The following LMO7 variants were observed in gnomAD, a reference collection of about 807,000 sequenced individuals.
LMO7 encodes LIM domain only protein 7.
A neutral mutation model predicts 206.5 loss-of-function variants in LMO7; 120 were observed. That is an observed-to-expected ratio of 0.58 (90% CI 0.50 to 0.68). The LOEUF (loss-of-function observed/expected upper bound fraction) is 0.68, where lower values mean the gene tolerates loss of function less well. Ranked by LOEUF, LMO7 falls within the 30% of genes least tolerant of loss-of-function variation. The probability of loss-of-function intolerance (pLI) is 0.00; values close to 1 mark genes in which losing one functional copy is unlikely to be tolerated. For synonymous variants in LMO7, 706 were observed against 681.5 expected, an observed-to-expected ratio of 1.04 and a Z score of -0.56; for missense variants, 1,959 against 1,957.9, an observed-to-expected ratio of 1.00 and a Z score of -0.01.
intron 1 of LMO7, among the ~76,000 whole-genome samples, chr13:75,708,349 G>C (rs973912311): frequency 6.6e-6 from 1 of 152,162 alleles, no homozygotes; most frequent in Admixed American, 6.5e-5. Flanking sequence ...CTGCCCTCTT[G>C]ATTGGCCCTT....
chr13:75,767,704 T>G (rs1156755100), intron 4 of LMO7, among the ~76,000 whole-genome samples: 5 of 152,096 alleles, frequency 3.3e-5, no homozygotes, highest in African/African-American at 9.7e-5. Context: ...AGGCTGAGTT[T>G]GTCACTTTCC....
In LMO7 at chr13:75,848,879, C is replaced by T. The variant is rs548626200; in HGVS notation, c.4151-200C>T. The T allele has an allele frequency of 6.7e-5, 36 of 534,040 alleles. No individual in the cohort carries two copies. The Admixed American group carries it at 7.3e-4, about 11-fold the overall frequency. The allele number at this position is 534,040 out of a possible 1,614,324, so 33.1% of individuals were successfully genotyped here. A position where few individuals can be genotyped will look rare whatever the true frequency, so the allele number is the denominator to read the frequency against. On this transcript the variant is annotated intron_variant, in intron 26 of 30. Coordinates refer to ENST00000377534, the MANE Select transcript of LMO7 (RefSeq NM_001306080.2). ...TACTAGTTTACATTCCCACCAGCAG[C>T]GTAGGAGTGCTCCCTTTTCCCTGCA... is the stretch of plus-strand genomic sequence containing the variant.
At chr13:75,671,246 T>C (rs1348846948) in intron 1 of LMO7, among the ~76,000 whole-genome samples, 1 of 151,998 alleles carries the variant, frequency 6.6e-6, no homozygotes, top group Non-Finnish European at 1.5e-5. Flanking sequence ...AAAACTATGA[T>C]AAACAGTATA....
chr13:75,711,318 T>G lies in LMO7; in HGVS notation c.70-1864T>G, dbSNP rs1205410707. On this transcript the variant is annotated intron_variant, in intron 1 of 30. Transcript: ENST00000377534. ...TCAGGATGATGCTGGCCTCATAAAA[T>G]GAGTTAGGGAGGACTCCCTCTTTTT... Among the ~76,000 whole-genome samples, 3 of 152,312 alleles carry G rather than the reference T, an allele frequency of 2.0e-5. No individual in the cohort carries two copies. The East Asian group carries it at 5.8e-4, about 29-fold the overall frequency.
chr13:75,696,968 G>A (rs892943778), intron 1 of LMO7, among the ~76,000 whole-genome samples: 1 of 152,076 alleles, frequency 6.6e-6, no homozygotes, highest in Non-Finnish European at 1.5e-5. Flanking sequence ...AAGGAAGCTG[G>A]TGATCCACAT....
chr13:75,700,340 A>G (rs1184806892), intron 1 of LMO7, among the ~76,000 whole-genome samples: 1 of 152,218 alleles, frequency 6.6e-6, no homozygotes, highest in African/African-American at 2.4e-5. Flanking sequence ...AATCTTCACA[A>G]TTTATGTTCA....
At chr13:75,666,592 A>G (rs548437537) in intron 1 of LMO7, among the ~76,000 whole-genome samples, 3 of 152,270 alleles carry the variant, frequency 2.0e-5, no homozygotes, top group Admixed American at 1.3e-4. Context: ...TCCCCTTGTC[A>G]TATTTGTTCA....
intron 13 of LMO7, among the ~76,000 whole-genome samples, chr13:75,820,790 C>T (rs947392139): frequency 4.6e-5 from 7 of 152,012 alleles, no homozygotes; most frequent in African/African-American, 1.4e-4. Flanking sequence ...GTCAGGAGTT[C>T]GAGATCAGCT....
At chr13:75,674,235 A>G (rs1037236355) in intron 1 of LMO7, among the ~76,000 whole-genome samples, 1 of 152,250 alleles carries the variant, frequency 6.6e-6, no homozygotes, top group African/African-American at 2.4e-5. Context: ...GCTTAAACAC[A>G]TCTGAAATGA....
intron 23 of LMO7, among the ~76,000 whole-genome samples, 159 bp downstream of exon 23, chr13:75,841,360 G>T (rs1169027135): frequency 1.3e-5 from 2 of 152,086 alleles, no homozygotes; most frequent in Non-Finnish European, 2.9e-5. Flanking sequence ...TTAGAATTTT[G>T]CTTGGATGTT....
At chr13:75,667,570 C>T (rs557283104) in intron 1 of LMO7, among the ~76,000 whole-genome samples, 1 of 152,128 alleles carries the variant, frequency 6.6e-6, no homozygotes, top group South Asian at 2.1e-4. Context: ...TTCATTTTAG[C>T]CACTTTATTT....
intron 4 of LMO7, among the ~76,000 whole-genome samples, chr13:75,776,168 T>TATATATATATATATATCGG (rs2050404992): frequency 2.6e-5 from 1 of 38,404 alleles, no homozygotes; most frequent in Non-Finnish European, 5.0e-5. Flanking sequence ...ATCGGATATA[T>TATATATATATATATATCGG]ATATATATAT....
At chr13:75,780,626 C>T (rs939709872) in intron 4 of LMO7, among the ~76,000 whole-genome samples, 1 of 152,130 alleles carries the variant, frequency 6.6e-6, no homozygotes, top group Non-Finnish European at 1.5e-5. Context: ...ACATCCTCAG[C>T]TTAAGAAGAT....
Position 75,715,195 on chromosome 13 carries a change from G to T in LMO7, c.140+1943G>T, listed in dbSNP as rs1052298806. 1.1e-4 allele frequency among the ~76,000 whole-genome samples: 17 copies of T among 152,174 alleles called. No individual in the cohort carries two copies. The South Asian group carries it at 1.9e-3, about 17-fold the overall frequency. ...AAATGCAACTTATGCACCAGCCTGG[G>T]CTCTGAATGATGAGAAGTGATTTCC... On this transcript the variant is annotated intron_variant, in intron 2 of 30. Transcript: ENST00000377534.
intron 15 of LMO7, among the ~76,000 whole-genome samples, chr13:75,828,198 G>A (rs139211399): frequency 6.6e-6 from 1 of 152,276 alleles, no homozygotes; most frequent in Non-Finnish European, 1.5e-5. Context: ...CAATTACTGG[G>A]CATCAGTCAT....
chr13:75,657,349 C>T (rs953489828), intron 1 of LMO7, among the ~76,000 whole-genome samples: 10 of 152,204 alleles, frequency 6.6e-5, no homozygotes, highest in African/African-American at 2.4e-4. Context: ...AAACACTCAT[C>T]ATCACTGATA....
At chr13:75,759,647 G>A (rs537321051) in intron 3 of LMO7, among the ~76,000 whole-genome samples, 2 of 152,288 alleles carry the variant, frequency 1.3e-5, no homozygotes, top group East Asian at 3.9e-4. Context: ...ACAGTAGATT[G>A]GAATGACCAG....
In LMO7 at chr13:75,750,377, C is replaced by CTTTTTTTTTTTTTTTTTTTTTTTTTTTTT. The variant is rs34407423; in HGVS notation, c.211-10533_211-10532insTTTTTTTTTTTTTTTTTTTTTTTTTTTTT. 2.1e-5 allele frequency among the ~76,000 whole-genome samples: 2 copies of CTTTTTTTTTTTTTTTTTTTTTTTTTTTTT among 93,380 alleles called. 1 individual carries two copies. The highest frequency in any genetic ancestry group is 8.4e-5 in the African/African-American group (2 of 23,712). 61.3% of individuals were successfully genotyped at this position (93,380 alleles called of 152,430 possible). A position where few individuals can be genotyped will look rare whatever the true frequency, so the allele number is the denominator to read the frequency against. ...AAAAATTCAGTTCACCTGGGGGATC[C>CTTTTTTTTTTTTTTTTTTTTTTTTTTTTT]TTTTTTTTTTTTTTTTTTTTTTCCT... On this transcript the variant is annotated intron_variant, in intron 3 of 30. Coordinates refer to ENST00000377534, the MANE Select transcript of LMO7 (RefSeq NM_001306080.2).
intron 1 of LMO7, among the ~76,000 whole-genome samples, chr13:75,648,680 T>G (rs985627290): frequency 1.3e-5 from 2 of 152,220 alleles, no homozygotes; most frequent in African/African-American, 4.8e-5. Flanking sequence ...TAAATAACTT[T>G]CTTGTGTTGG....
Sources: allele counts gnomAD v4.1 joint callset (sites outside exome capture counted in the v4.1 genomes callset), GRCh38; gene constraint gnomAD v4.1.1; transcripts MANE v1.5; gene names NCBI Gene and HGNC (gene_info 2026-07-23, HGNC 2026-07-21).